Variants in CRYGD observed in about 807,000 individuals in gnomAD.
The protein encoded by CRYGD is gamma-crystallin D.
CRYGD carries 13 observed loss-of-function variants against 11.3 expected under a neutral mutation model. That is an observed-to-expected ratio of 1.15 (90% CI 0.75 to 1.83). The LOEUF (loss-of-function observed/expected upper bound fraction) is 1.83, where lower values mean the gene tolerates loss of function less well. CRYGD is among the 40% of genes most tolerant of loss of function. CRYGD has a pLI of 0.00. For synonymous variants in CRYGD, 77 were observed against 89.5 expected, an observed-to-expected ratio of 0.86 and a Z score of 0.79; for missense variants, 231 against 229.9, an observed-to-expected ratio of 1.00 and a Z score of -0.03.
chr2:208,122,858 AT>A (rs1440858339), intron 2 of CRYGD, among the ~76,000 whole-genome samples: 108 of 150,476 alleles, frequency 7.2e-4, no homozygotes, highest in Middle Eastern at 3.5e-3. Flanking sequence ...GTCAAAAAAA[AT>A]AATAATAATA....
intron 2 of CRYGD, 96 bp from the exon 3 acceptor site, chr2:208,122,041 C>T (rs1288036650): frequency 3.2e-6 from 5 of 1,560,332 alleles, no homozygotes; most frequent in Non-Finnish European, 4.4e-6. Flanking sequence ...CCGCTCAAGC[C>T]ATTTTGAAAT....
At chr2:208,122,995 G>T (rs995306170) in intron 2 of CRYGD, among the ~76,000 whole-genome samples, 4 of 150,294 alleles carry the variant, frequency 2.7e-5, no homozygotes, top group African/African-American at 9.7e-5. Context: ...GGAGGCGGAG[G>T]TTGCAGTGAG....
Position 208,121,804 on chromosome 2 carries a change from C to T in CRYGD, c.394G>A (p.Val132Ile). 1 of 1,614,140 alleles carries T rather than the reference C, an allele frequency of 6.2e-7. No homozygotes were observed. Among genetic ancestry groups the T allele is most frequent in the South Asian group, 1.1e-5 (1 of 91,076 alleles). ...HSLNVLEGSW[V>I]LYELSNYRGR... ...CGGTAGTTGGACAGCTCGTAGAGGA[C>T]CCAGGAGCCCTCCAGCACGTTGAGG... Residue 132 changes from valine (V) to isoleucine (I), a missense_variant, in exon 3 of 3, where the codon GTC (valine) becomes ATC (isoleucine). Transcript: ENST00000264376.
intron 2 of CRYGD, among the ~76,000 whole-genome samples, chr2:208,123,289 T>G (rs1159350250): frequency 1.4e-5 from 2 of 146,760 alleles, no homozygotes. Flanking sequence ...ATTTAAAATA[T>G]AAAAATATGT....
chr2:208,124,290 T>A lies in CRYGD; in HGVS notation c.74A>T (p.Asn25Ile). The A allele has an allele frequency of 1.2e-6, 2 of 1,611,234 alleles. No individual in the cohort carries two copies. The highest frequency in any genetic ancestry group is 1.7e-6 in the Non-Finnish European group (2 of 1,179,048). ...GCAGCGGCTCAAGTAGGGCTGCAGG[T>A]TGGGGTGGTCGCTGCTGCATTCATA... Reference protein sequence around the residue: ...RHYECSSDHPNLQPYLSRCNS... With the variant: ...RHYECSSDHPILQPYLSRCNS... Residue 25 changes from asparagine to isoleucine, a missense_variant, in exon 2 of 3, where the codon AAC (asparagine) becomes ATC (isoleucine). Physicochemically the swap from Asn to Ile is moderately radical, Grantham distance 149. Transcript: ENST00000264376.
chr2:208,124,438 G>A, intron 1 of CRYGD, 27 bp downstream of exon 1: 2 of 1,586,568 alleles, frequency 1.3e-6, no homozygotes, highest in Non-Finnish European at 1.7e-6. Flanking sequence ...GGAAGCTCCG[G>A]GGTCCCGGGG....
At position 208,124,345 on chromosome 2, in the gene CRYGD, A is replaced by G. The variant is rs762443764; in HGVS notation, c.19T>C (p.Tyr7His). ...CGGCCCTGGAAGCCCCGGTCCTCGT[A>G]GAGGGTGATCTGCAAGGCAAGGCGG... Reference protein sequence around the residue: MGKITLYEDRGFQGRHY... With the variant: MGKITLHEDRGFQGRHY... The change falls in exon 2 of 3, where the codon TAC becomes CAC. Residue 7 changes from tyrosine (Y) to histidine (H), a missense_variant. By Grantham distance (83) the Tyr-to-His change is moderately conservative. Coordinates refer to ENST00000264376, the MANE Select transcript of CRYGD (RefSeq NM_006891.4). The G allele has an allele frequency of 1.1e-5, 17 of 1,611,374 alleles. No individual in the cohort carries two copies. The East Asian group carries it at 3.6e-4, about 34-fold the overall frequency.
intron 2 of CRYGD, among the ~76,000 whole-genome samples, chr2:208,123,199 T>C (rs1025456094): frequency 6.8e-6 from 1 of 147,140 alleles, no homozygotes; most frequent in African/African-American, 2.5e-5. Context: ...TGTAGTTATA[T>C]AAATATATTA....
chr2:208,123,386 TAAATA>T (rs1694911261), intron 2 of CRYGD, among the ~76,000 whole-genome samples: 1 of 147,448 alleles, frequency 6.8e-6, no homozygotes, highest in Non-Finnish European at 1.5e-5. Context: ...ATCAATGACA[TAAATA>T]AAATATGTTA....
chr2:208,122,051 T>C, intron 2 of CRYGD, 106 bp from the exon 3 acceptor site: 1 of 1,502,926 alleles, frequency 6.7e-7, no homozygotes, highest in Non-Finnish European at 9.1e-7. Context: ...CATTTTGAAA[T>C]ACATGGTAAA....
chr2:208,123,001 G>C (rs924155277), intron 2 of CRYGD, among the ~76,000 whole-genome samples: 1 of 150,272 alleles, frequency 6.7e-6, no homozygotes, highest in African/African-American at 2.4e-5. Context: ...GGAGGTTGCA[G>C]TGAGCCGAGA....
intron 2 of CRYGD, among the ~76,000 whole-genome samples, chr2:208,123,418 A>G (rs1694911865): frequency 6.8e-6 from 1 of 146,658 alleles, no homozygotes; most frequent in African/African-American, 2.5e-5. Flanking sequence ...TAAGCCTTCT[A>G]TTCAAAATAT....
Position 208,121,620 on chromosome 2 carries a change from C to T in CRYGD, c.*53G>A, listed in dbSNP as rs1574544617. ...CAAGCAAATCAGTGCCAGGAACACA[C>T]AGAAAATATTTTATTAGTTTCCAAA... On this transcript the variant is annotated 3_prime_UTR_variant, in exon 3 of 3. Transcript: ENST00000264376. 11 of 1,596,918 alleles carry T rather than the reference C, an allele frequency of 6.9e-6. No homozygotes were observed. Among genetic ancestry groups the T allele is most frequent in the East Asian group, 2.2e-5 (1 of 44,666 alleles).
chr2:208,124,101 G>C lies in CRYGD; in HGVS notation c.252+11C>G. On this transcript the variant is annotated intron_variant, in intron 2 of 2. Transcript: ENST00000264376. ...CTGAGGGCCTGGGTCCTGACTTGAGGATGTACTCACGTGGGGGATGAGGCG... is the reference window on the plus strand; with the variant it reads ...CTGAGGGCCTGGGTCCTGACTTGAGCATGTACTCACGTGGGGGATGAGGCG... 6.2e-7 allele frequency: 1 copy of C among 1,611,710 alleles called. No homozygotes were observed. The highest frequency in any genetic ancestry group is 8.5e-7 in the Non-Finnish European group (1 of 1,179,850).
rs1397199855 is a variant in CRYGD at position 208,122,684 on chromosome 2, G to A, written c.253-739C>T. On this transcript the variant is annotated intron_variant, in intron 2 of 2. Transcript: ENST00000264376. ...TCAAGACCAGCCTGACGAATATGGCGAAACCTTGTCTATACTAAAAATACA... is the reference window on the plus strand; with the variant it reads ...TCAAGACCAGCCTGACGAATATGGCAAAACCTTGTCTATACTAAAAATACA... Among the ~76,000 whole-genome samples, 7 of 150,538 alleles carry A rather than the reference G, an allele frequency of 4.6e-5. No homozygotes were observed. The Middle Eastern group carries it at 0.01, about 224-fold the overall frequency.
intron 2 of CRYGD, among the ~76,000 whole-genome samples, chr2:208,123,099 T>C (rs936932391): frequency 1.4e-4 from 20 of 147,308 alleles, no homozygotes; most frequent in African/African-American, 2.0e-4. Flanking sequence ...AATATATATA[T>C]ACACACATAT....
intron 2 of CRYGD, among the ~76,000 whole-genome samples, chr2:208,122,329 TTAAA>T (rs1694880265): frequency 6.7e-6 from 1 of 148,762 alleles, no homozygotes; most frequent in Non-Finnish European, 1.5e-5. Flanking sequence ...AGAAATATAT[TTAAA>T]TAATGTATAA....
chr2:208,124,415 C>A, intron 1 of CRYGD, 50 bp downstream of exon 1: 1 of 1,598,444 alleles, frequency 6.3e-7, no homozygotes, highest in Non-Finnish European at 8.5e-7. Context: ...CAGTCTCTGG[C>A]CCCCGCGATG....
chr2:208,124,140 G>C lies in CRYGD; in HGVS notation c.224C>G (p.Ser75Trp), dbSNP rs1694928991. Residue 75 changes from serine to tryptophan, a missense_variant, in exon 2 of 3, where the codon TCG (serine) becomes TGG (tryptophan). Coordinates refer to ENST00000264376, the MANE Select transcript of CRYGD (RefSeq NM_006891.4). ...GGGGATGAGGCGGCAGGAGCGGACC[G>C]AGTCGCTGAGGCCCATCCACTGCTG... ...DHQQWMGLSDSVRSCRLIPHS... is the reference protein window; with the variant it reads ...DHQQWMGLSDWVRSCRLIPHS... 6.2e-7 allele frequency: 1 copy of C among 1,611,590 alleles called. No homozygotes were observed. Among genetic ancestry groups the C allele is most frequent in the South Asian group, 1.1e-5 (1 of 90,996 alleles).
Sources: allele counts gnomAD v4.1 joint callset (sites outside exome capture counted in the v4.1 genomes callset), GRCh38; gene constraint gnomAD v4.1.1; transcripts MANE v1.5; gene names NCBI Gene and HGNC (gene_info 2026-07-23, HGNC 2026-07-21).